Variants in NRXN3 observed in about 807,000 individuals in gnomAD.
The protein encoded by NRXN3 is neurexin 3, also known as neurexin III.
A neutral mutation model predicts 137.6 loss-of-function variants in NRXN3; 32 were observed. The ratio of observed to expected loss-of-function variants is 0.23; its 90% CI spans 0.18 to 0.31. The LOEUF (loss-of-function observed/expected upper bound fraction) is 0.31. NRXN3 is among the 10% of genes least tolerant of loss of function. The pLI is 1.00. For synonymous variants in NRXN3, 798 were observed against 784.5 expected, an observed-to-expected ratio of 1.02 and a Z score of -0.29; for missense variants, 1,574 against 2,062.5, an observed-to-expected ratio of 0.76 and a Z score of 4.59.
intron 19 of NRXN3, among the ~76,000 whole-genome samples, chr14:79,768,797 A>T (rs1459289899): frequency 6.6e-6 from 1 of 152,250 alleles, no homozygotes; most frequent in Non-Finnish European, 1.5e-5. Flanking sequence ...AGCTGAGAGA[A>T]GAAAGCTTCA....
chr14:79,193,330 TAG>T (rs1370094133), intron 15 of NRXN3, among the ~76,000 whole-genome samples: 1 of 152,190 alleles, frequency 6.6e-6, no homozygotes, highest in Non-Finnish European at 1.5e-5. Context: ...AGAGATTGGT[TAG>T]AGAGATTTAT....
chr14:79,565,623 G>A (rs376581767), intron 16 of NRXN3, among the ~76,000 whole-genome samples: 4 of 151,756 alleles, frequency 2.6e-5, no homozygotes, highest in Admixed American at 2.6e-4. Flanking sequence ...ATTACCAATA[G>A]GCAGAAAAAG....
intron 19 of NRXN3, among the ~76,000 whole-genome samples, chr14:79,749,569 G>GT (rs2098990714): frequency 6.6e-6 from 1 of 151,890 alleles, no homozygotes; most frequent in African/African-American, 2.4e-5. Context: ...GCAGTGCCTG[G>GT]TTTTTTAACA....
chr14:78,577,364 T>G (rs1358457147), intron 4 of NRXN3, among the ~76,000 whole-genome samples: 2 of 152,206 alleles, frequency 1.3e-5, no homozygotes, highest in African/African-American at 4.8e-5. Context: ...TGGGTATTTG[T>G]GTAGATGAAG....
chr14:78,314,663 A>G (rs555322347), intron 4 of NRXN3, among the ~76,000 whole-genome samples: 1 of 152,160 alleles, frequency 6.6e-6, no homozygotes, highest in East Asian at 1.9e-4. Context: ...GGAGAACAGG[A>G]TAAGGGGCCT....
At chr14:79,128,681 G>A (rs1337165160) in intron 15 of NRXN3, among the ~76,000 whole-genome samples, 1 of 152,158 alleles carries the variant, frequency 6.6e-6, no homozygotes, top group African/African-American at 2.4e-5. Context: ...TCAGGATGAT[G>A]CTGGCCTCAT....
intron 4 of NRXN3, among the ~76,000 whole-genome samples, chr14:78,484,521 T>A (rs2153743678): frequency 6.6e-6 from 1 of 152,290 alleles, no homozygotes; most frequent in South Asian, 2.1e-4. Flanking sequence ...GTTTCTTTTT[T>A]TCTGGGGGAG....
At chr14:79,263,668 C>T (rs2077986251) in intron 15 of NRXN3, among the ~76,000 whole-genome samples, 1 of 152,076 alleles carries the variant, frequency 6.6e-6, no homozygotes, top group Non-Finnish European at 1.5e-5. Flanking sequence ...ATAAATGGTT[C>T]TTCAACATTT....
chr14:78,966,679 T>G (rs1266383240), intron 12 of NRXN3, among the ~76,000 whole-genome samples: 1 of 152,222 alleles, frequency 6.6e-6, no homozygotes, highest in African/African-American at 2.4e-5. Context: ...GAAAAGCTTA[T>G]TTTTGCAAAA....
chr14:78,285,979 G>C (rs571212786), intron 3 of NRXN3, among the ~76,000 whole-genome samples: 158 of 152,302 alleles, frequency 1.0e-3, no homozygotes, highest in Non-Finnish European at 1.9e-3. Flanking sequence ...TGTGAGTAAG[G>C]AGCTGCTTCT....
At chr14:78,685,863 G>A (rs2098121287) in intron 6 of NRXN3, among the ~76,000 whole-genome samples, 1 of 146,106 alleles carries the variant, frequency 6.8e-6, no homozygotes, top group Non-Finnish European at 1.5e-5. Flanking sequence ...GTGTTAGGCT[G>A]ATCTCGAACT....
intron 15 of NRXN3, among the ~76,000 whole-genome samples, chr14:79,008,575 A>T (rs1313175975): frequency 1.3e-5 from 2 of 151,902 alleles, no homozygotes; most frequent in Non-Finnish European, 2.9e-5. Flanking sequence ...CAAAAAAAAT[A>T]GTTGTGTACA....
chr14:78,848,019 C>T (rs558944602), intron 10 of NRXN3, among the ~76,000 whole-genome samples: 15 of 152,168 alleles, frequency 9.9e-5, no homozygotes, highest in East Asian at 9.7e-4. Flanking sequence ...ATTCCACCCC[C>T]GGCCTCTGGC....
intron 15 of NRXN3, among the ~76,000 whole-genome samples, chr14:79,105,908 G>T (rs555745666): frequency 6.6e-6 from 1 of 151,920 alleles, no homozygotes; most frequent in Non-Finnish European, 1.5e-5. Context: ...TTCTCTTATC[G>T]TTATGATTAT....
intron 10 of NRXN3, among the ~76,000 whole-genome samples, chr14:78,895,849 C>T (rs1218747724): frequency 1.3e-5 from 2 of 151,748 alleles, no homozygotes; most frequent in Non-Finnish European, 2.9e-5. Context: ...GTGAGAATGG[C>T]CAGTAAGTTG....
chr14:78,446,188 C>T (rs1170245901), intron 4 of NRXN3, among the ~76,000 whole-genome samples: 1 of 152,154 alleles, frequency 6.6e-6, no homozygotes, highest in African/African-American at 2.4e-5. Flanking sequence ...TAACTCAGCG[C>T]AAGTTTTGTT....
chr14:79,557,331 C>T (rs35645179), intron 16 of NRXN3, among the ~76,000 whole-genome samples: 3 of 151,962 alleles, frequency 2.0e-5, no homozygotes, highest in Admixed American at 6.6e-5. Flanking sequence ...CTGCAAAAAC[C>T]TAGTAGTTCT....
chr14:79,257,382 G>GTGA (rs2076747719), intron 15 of NRXN3, among the ~76,000 whole-genome samples: 1 of 87,008 alleles, frequency 1.1e-5, no homozygotes, highest in Non-Finnish European at 2.3e-5. Context: ...GGTGGTGGTG[G>GTGA]TGGTGATGGT....
chr14:78,917,988 GAAA>G (rs71131666), intron 10 of NRXN3, among the ~76,000 whole-genome samples: 1 of 107,484 alleles, frequency 9.3e-6, no homozygotes, highest in African/African-American at 3.3e-5. Context: ...ATAAAAAAAT[GAAA>G]AAAAAAAAAA....
Sources: gnomAD v4.1 joint callset for allele counts (sites outside exome capture counted in the v4.1 genomes callset) on GRCh38, gnomAD v4.1.1 for gene constraint, MANE v1.5 for transcripts, NCBI Gene and HGNC (gene_info 2026-07-23, HGNC 2026-07-21) for gene names.